The following EFR3A variants were observed in gnomAD, a reference collection of about 807,000 sequenced individuals.
The protein encoded by EFR3A is EFR3 homolog A.
EFR3A carries 76 observed loss-of-function variants against 104.4 expected under a neutral mutation model. The ratio of observed to expected loss-of-function variants is 0.73; its 90% CI spans 0.60 to 0.88. EFR3A has a LOEUF of 0.88. Ranked by LOEUF, EFR3A falls within the 40% of genes least tolerant of loss-of-function variation. The probability of loss-of-function intolerance (pLI) is 0.00; values close to 1 mark genes in which losing one functional copy is unlikely to be tolerated. For synonymous variants in EFR3A, 330 were observed against 330.0 expected, an observed-to-expected ratio of 1.00 and a Z score of 0.00; for missense variants, 985 against 1,012.5, an observed-to-expected ratio of 0.97 and a Z score of 0.37.
intron 1 of EFR3A, among the ~76,000 whole-genome samples, chr8:131,936,896 A>G (rs939504553): frequency 3.9e-5 from 6 of 151,998 alleles, no homozygotes; most frequent in Non-Finnish European, 1.5e-5. Flanking sequence ...GTTTTTTTAT[A>G]GAGGCTTCAC....
intron 1 of EFR3A, among the ~76,000 whole-genome samples, chr8:131,906,848 AC>A (rs1816286665): frequency 6.6e-6 from 1 of 152,224 alleles, no homozygotes; most frequent in Admixed American, 6.5e-5. Flanking sequence ...ATAATTTGAC[AC>A]ATCATTTTTC....
At chr8:131,961,375 T>C (rs1261730994) in intron 8 of EFR3A, among the ~76,000 whole-genome samples, 3 of 152,144 alleles carry the variant, frequency 2.0e-5, no homozygotes, top group Non-Finnish European at 4.4e-5. Flanking sequence ...AAGGACCTGA[T>C]GGAGCTGAAA....
chr8:131,962,406 A>G (rs1449365451), intron 8 of EFR3A, among the ~76,000 whole-genome samples: 1 of 152,234 alleles, frequency 6.6e-6, no homozygotes, highest in Non-Finnish European at 1.5e-5. Context: ...CAGGTGTTGC[A>G]ATCCTAGTCT....
At chr8:131,917,635 G>A (rs1289442770) in intron 1 of EFR3A, among the ~76,000 whole-genome samples, 2 of 152,176 alleles carry the variant, frequency 1.3e-5, no homozygotes, top group South Asian at 2.1e-4. Flanking sequence ...ATAGAGGTGA[G>A]ATAATGTTCT....
At chr8:132,010,390 G>T (rs1822267458) in intron 22 of EFR3A, among the ~76,000 whole-genome samples, 1 of 113,722 alleles carries the variant, frequency 8.8e-6, no homozygotes, top group African/African-American at 3.5e-5. Flanking sequence ...TTGTTCTCTG[G>T]ATTAAATCAA....
At chr8:131,913,849 T>G (rs1003896726) in intron 1 of EFR3A, among the ~76,000 whole-genome samples, 2 of 152,216 alleles carry the variant, frequency 1.3e-5, no homozygotes, top group Non-Finnish European at 2.9e-5. Flanking sequence ...TCCTGGAATC[T>G]CATAAACTTT....
chr8:131,985,031 G>C lies in EFR3A; in HGVS notation c.1840G>C (p.Val614Leu). ...CAACTTTGTAAGTCAGATGATAGCT[G>C]TCCCTGCATTTTGCCAGCATGTTAG... ...YLNFVSQMIA[V>L]PAFCQHVSKV... is the part of the protein sequence containing the mutation. The change falls in exon 16 of 23, where the codon GTC becomes CTC. Residue 614 changes from valine to leucine, a missense_variant. Physicochemically the swap from Val to Leu is conservative, Grantham distance 32 (BLOSUM62 1). Coordinates refer to ENST00000254624, the MANE Select transcript of EFR3A (RefSeq NM_015137.6). The C allele has an allele frequency of 6.2e-7, 1 of 1,613,534 alleles. No individual in the cohort carries two copies. Among genetic ancestry groups the C allele is most frequent in the Non-Finnish European group, 8.5e-7 (1 of 1,179,572 alleles).
chr8:131,961,707 A>T (rs1819343500), intron 8 of EFR3A, among the ~76,000 whole-genome samples: 2 of 152,172 alleles, frequency 1.3e-5, no homozygotes, highest in South Asian at 2.1e-4. Flanking sequence ...AAATACAGAG[A>T]ATGCCACAAA....
intron 1 of EFR3A, among the ~76,000 whole-genome samples, chr8:131,915,506 C>T (rs974924642): frequency 2.6e-5 from 4 of 152,288 alleles, no homozygotes; most frequent in Middle Eastern, 3.4e-3. Context: ...GTGAATAAAG[C>T]AGTCCCTAGC....
chr8:131,987,138 C>A (rs1045123199), intron 17 of EFR3A, among the ~76,000 whole-genome samples: 6 of 152,004 alleles, frequency 3.9e-5, no homozygotes, highest in Non-Finnish European at 8.8e-5. Flanking sequence ...GAAAGTGAAA[C>A]CTTATGTGGG....
intron 8 of EFR3A, among the ~76,000 whole-genome samples, chr8:131,967,107 A>G (rs1819781446): frequency 1.3e-5 from 2 of 152,212 alleles, no homozygotes; most frequent in Admixed American, 6.6e-5. Context: ...CATCAGAAGC[A>G]TGCAGCTTCC....
intron 12 of EFR3A, among the ~76,000 whole-genome samples, chr8:131,977,352 G>T (rs886976602): frequency 3.3e-5 from 5 of 152,012 alleles, no homozygotes; most frequent in Non-Finnish European, 7.4e-5. Flanking sequence ...AAGATACCTG[G>T]GCCCAGAGAC....
chr8:131,968,607 G>C (rs1225565787), intron 9 of EFR3A, among the ~76,000 whole-genome samples, 177 bp downstream of exon 9: 2 of 152,120 alleles, frequency 1.3e-5, no homozygotes, highest in African/African-American at 4.8e-5. Context: ...TTAGCACACA[G>C]TTAAGTATTT....
chr8:131,944,838 A>T lies in EFR3A; in HGVS notation c.181A>T (p.Arg61Trp). Residue 61 changes from arginine (R) to tryptophan (W), a missense_variant, in exon 3 of 23, where the codon AGG becomes TGG. By Grantham distance (101) the Arg-to-Trp change is moderately radical (BLOSUM62 -3). Coordinates refer to ENST00000254624, the MANE Select transcript of EFR3A (RefSeq NM_015137.6). The part of the protein sequence containing the change: ...LDRIGSYLAE[R>W]LSRDVVRHRS... The stretch of plus-strand genomic sequence containing the variant: ...TCGAATTGGTTCTTACCTGGCAGAA[A>T]GGTTGAGCAGGGATGTTGTCAGACA... The T allele has an allele frequency of 6.2e-7, 1 of 1,611,028 alleles. No homozygotes were observed. The highest frequency in any genetic ancestry group is 8.5e-7 in the Non-Finnish European group (1 of 1,178,416).
intron 7 of EFR3A, among the ~76,000 whole-genome samples, chr8:131,957,998 T>G (rs1188308421): frequency 6.6e-6 from 1 of 151,952 alleles, no homozygotes. Context: ...AAGTATAAAG[T>G]GGCTATAATT....
intron 1 of EFR3A, among the ~76,000 whole-genome samples, chr8:131,928,820 A>G (rs1019182863): frequency 6.6e-6 from 1 of 151,882 alleles, no homozygotes; most frequent in South Asian, 2.1e-4. Context: ...TTTAAAGTCC[A>G]TGTATCTTAT....
intron 10 of EFR3A, among the ~76,000 whole-genome samples, chr8:131,972,256 C>CT (rs34550285): frequency 0.84 from 117,197 of 139,608 alleles, 49,157 homozygotes; most frequent in East Asian, 0.92. Context: ...CTCCCTGAAC[C>CT]TTTTTTTTTT....
At chr8:131,981,585 A>T (rs1478764092) in intron 14 of EFR3A, among the ~76,000 whole-genome samples, 1 of 152,098 alleles carries the variant, frequency 6.6e-6, no homozygotes, top group East Asian at 1.9e-4. Context: ...TGAAACCTTA[A>T]CTAGCAACTC....
chr8:131,967,013 C>G (rs1042154453), intron 8 of EFR3A, among the ~76,000 whole-genome samples: 2 of 152,146 alleles, frequency 1.3e-5, no homozygotes, highest in Non-Finnish European at 2.9e-5. Flanking sequence ...ACCTCCTTCA[C>G]TCTCTGCAGT....
Sources: allele counts gnomAD v4.1 joint callset (sites outside exome capture counted in the v4.1 genomes callset), GRCh38; gene constraint gnomAD v4.1.1; transcripts MANE v1.5; gene names NCBI Gene and HGNC (gene_info 2026-07-23, HGNC 2026-07-21).